The following AGMO variants were observed in gnomAD, a reference collection of about 807,000 sequenced individuals.
AGMO encodes alkylglycerol monooxygenase.
In AGMO, 75 loss-of-function variants were observed where a neutral mutation model predicts 60.2. The ratio of observed to expected loss-of-function variants is 1.25; its 90% CI spans 1.03 to 1.51. The LOEUF is 1.51. Ranked by LOEUF, AGMO falls within the 40% of genes most tolerant of loss-of-function variation. The pLI is 0.00. For synonymous variants in AGMO, 261 were observed against 177.1 expected, an observed-to-expected ratio of 1.47 and a Z score of -3.76; for missense variants, 763 against 525.5, an observed-to-expected ratio of 1.45 and a Z score of -4.42.
At chr7:15,438,657 A>C (rs1781464297) in intron 3 of AGMO, among the ~76,000 whole-genome samples, 1 of 152,164 alleles carries the variant, frequency 6.6e-6, no homozygotes, top group African/African-American at 2.4e-5. Context: ...ACAGCAATCA[A>C]CATGACGAAT....
At chr7:15,298,490 G>A (rs1784467296) in intron 12 of AGMO, among the ~76,000 whole-genome samples, 2 of 152,088 alleles carry the variant, frequency 1.3e-5, no homozygotes, top group African/African-American at 4.8e-5. Flanking sequence ...GACCTCCTGG[G>A]CTCAGGTGAT....
chr7:15,364,782 C>G (rs1029208270), intron 12 of AGMO, among the ~76,000 whole-genome samples: 2 of 151,840 alleles, frequency 1.3e-5, no homozygotes, highest in Non-Finnish European at 2.9e-5. Flanking sequence ...ATGCTAAGAG[C>G]GGGGGATATT....
chr7:15,521,762 G>T (rs1022633066), intron 3 of AGMO, among the ~76,000 whole-genome samples: 2 of 152,142 alleles, frequency 1.3e-5, no homozygotes, highest in African/African-American at 4.8e-5. Context: ...GCAAAAGATG[G>T]AAGCATTTCC....
At chr7:15,344,625 G>C (rs751059125) in intron 12 of AGMO, among the ~76,000 whole-genome samples, 1 of 152,128 alleles carries the variant, frequency 6.6e-6, no homozygotes, top group Non-Finnish European at 1.5e-5. Context: ...TGGAGCTTGG[G>C]AAGTTGAGGC....
At chr7:15,299,258 G>A (rs972299110) in intron 12 of AGMO, among the ~76,000 whole-genome samples, 2 of 151,838 alleles carry the variant, frequency 1.3e-5, no homozygotes, top group Non-Finnish European at 2.9e-5. Context: ...TAATATAAAG[G>A]TTATTGCTTC....
At chr7:15,327,705 A>C (rs1352858061) in intron 12 of AGMO, among the ~76,000 whole-genome samples, 2 of 149,690 alleles carry the variant, frequency 1.3e-5, no homozygotes, top group African/African-American at 4.9e-5. Flanking sequence ...AGAGAAAGAG[A>C]GGTTTTCATG....
intron 10 of AGMO, among the ~76,000 whole-genome samples, chr7:15,375,787 A>T (rs1783429241): frequency 6.6e-6 from 1 of 152,134 alleles, no homozygotes; most frequent in Non-Finnish European, 1.5e-5. Flanking sequence ...TAAATTGCTT[A>T]ATTTTTACAT....
chr7:15,512,387 G>C (rs1783698728), intron 3 of AGMO, among the ~76,000 whole-genome samples: 1 of 152,022 alleles, frequency 6.6e-6, no homozygotes, highest in African/African-American at 2.4e-5. Context: ...CAAGTAGCTG[G>C]GACCACAGGC....
intron 12 of AGMO, among the ~76,000 whole-genome samples, chr7:15,307,640 GTTTCAATTAC>G (rs1183053609): frequency 5.3e-5 from 8 of 152,002 alleles, no homozygotes; most frequent in Admixed American, 1.3e-4. Context: ...TATGCATATA[GTTTCAATTAC>G]TATCTTCAAA....
chr7:15,182,386 A>C, the AGMO span, among the ~76,000 whole-genome samples: 3 of 152,320 alleles, frequency 2.0e-5, no homozygotes, highest in African/African-American at 7.2e-5. Context: ...ATAAAAAATT[A>C]GGAAAAAAAT....
intron 3 of AGMO, among the ~76,000 whole-genome samples, chr7:15,459,954 A>G (rs1782100821): frequency 6.6e-6 from 1 of 152,082 alleles, no homozygotes; most frequent in Non-Finnish European, 1.5e-5. Flanking sequence ...TCATTCATTG[A>G]TAATTCATTT....
intron 3 of AGMO, among the ~76,000 whole-genome samples, chr7:15,488,826 A>G (rs1167466934): frequency 1.3e-5 from 2 of 152,004 alleles, no homozygotes; most frequent in Non-Finnish European, 2.9e-5. Context: ...ACAATTAACC[A>G]TGTGTAAATA....
At chr7:15,211,369 A>T (rs1001351779) in intron 12 of AGMO, among the ~76,000 whole-genome samples, 1 of 151,760 alleles carries the variant, frequency 6.6e-6, no homozygotes, top group East Asian at 1.9e-4. Context: ...ATTTTAGTCA[A>T]CTCTTTCTCG....
chr7:15,432,361 T>TATACATACATATATATATACACACAC (rs370437254), intron 3 of AGMO, among the ~76,000 whole-genome samples: 14 of 123,892 alleles, frequency 1.1e-4, no homozygotes, highest in South Asian at 2.8e-4. Flanking sequence ...CATATATATA[T>TATACATACATATATATATACACACAC]ACACACACAT....
intron 5 of AGMO, among the ~76,000 whole-genome samples, chr7:15,400,089 T>C (rs1784514435): frequency 6.6e-6 from 1 of 152,172 alleles, no homozygotes; most frequent in African/African-American, 2.4e-5. Context: ...TCTCATACTA[T>C]ATTGCAAGTT....
intron 12 of AGMO, among the ~76,000 whole-genome samples, chr7:15,261,919 G>A (rs1465472925): frequency 6.6e-6 from 1 of 151,784 alleles, no homozygotes; most frequent in East Asian, 1.9e-4. Context: ...AATCTCAATA[G>A]ATAAGCATTA....
At chr7:15,162,131 C>A in the AGMO span, among the ~76,000 whole-genome samples, 1 of 152,054 alleles carries the variant, frequency 6.6e-6, no homozygotes, top group South Asian at 2.1e-4. Flanking sequence ...CTCTCTCCTG[C>A]TGCCATGTAA....
intron 12 of AGMO, chr7:15,358,429 G>A (rs1003804310): frequency 4.2e-6 from 2 of 471,082 alleles, no homozygotes; most frequent in South Asian, 1.6e-5. Flanking sequence ...AGAGTTGGAA[G>A]ACAAGTAGGG....
the AGMO span, among the ~76,000 whole-genome samples, chr7:15,178,041 C>A: frequency 6.6e-6 from 1 of 152,124 alleles, no homozygotes; most frequent in African/African-American, 2.4e-5. Flanking sequence ...ACTCTTCTTA[C>A]CCCTCCTCAG....
Sources: gnomAD v4.1 joint callset for allele counts (sites outside exome capture counted in the v4.1 genomes callset) on GRCh38, gnomAD v4.1.1 for gene constraint, MANE v1.5 for transcripts, NCBI Gene and HGNC (gene_info 2026-07-23, HGNC 2026-07-21) for gene names.